The following PRIM1 variants were observed in gnomAD, a reference collection of about 807,000 sequenced individuals.
PRIM1 encodes DNA primase subunit 1, also known as DNA primase small subunit.
In PRIM1, 38 loss-of-function variants were observed where a neutral mutation model predicts 60.2. That is an observed-to-expected ratio of 0.63 (90% CI 0.49 to 0.83). The LOEUF is 0.83. Among genes scored for constraint, PRIM1 ranks in the 40% least tolerant of loss-of-function variants. The pLI is 0.00. For synonymous variants in PRIM1, 158 were observed against 160.2 expected (o/e 0.99, Z 0.10); for missense variants, 388 against 506.2 (o/e 0.77, Z 2.24).
intron 9 of PRIM1, among the ~76,000 whole-genome samples, chr12:56,741,074 C>T (rs760471815): frequency 5.9e-5 from 9 of 152,112 alleles, no homozygotes; most frequent in Admixed American, 2.6e-4. Context: ...TTGCCCTCCT[C>T]AAGTGCTGGG....
chr12:56,738,319 C>T, intron 11 of PRIM1, 115 bp downstream of exon 11: 7 of 1,386,098 alleles, frequency 5.1e-6, no homozygotes, highest in Non-Finnish European at 6.7e-6. Context: ...GTATGCAGTT[C>T]CAGGACAAAT....
At chr12:56,733,180 G>A (rs1400791241) in intron 12 of PRIM1, among the ~76,000 whole-genome samples, 3 of 118,644 alleles carry the variant, frequency 2.5e-5, no homozygotes, top group Admixed American at 9.2e-5. Context: ...TTTTTGAGAC[G>A]GAGTTTTGCT....
At chr12:56,734,066 G>T in intron 12 of PRIM1, 81 bp downstream of exon 12, 1 of 941,560 alleles carries the variant, frequency 1.1e-6, no homozygotes, top group Non-Finnish European at 1.6e-6. Context: ...GGAGGGCAAA[G>T]AAAGACTAGA....
chr12:56,734,778 TTATATA>T (rs34889392), intron 11 of PRIM1, among the ~76,000 whole-genome samples: 1 of 140,298 alleles, frequency 7.1e-6, no homozygotes, highest in Non-Finnish European at 1.5e-5. Flanking sequence ...TCTTTTATAT[TTATATA>T]TATATATATA....
intron 7 of PRIM1, 130 bp from the exon 8 acceptor site, chr12:56,741,967 T>C (rs1379129659): frequency 1.0e-6 from 1 of 954,606 alleles, no homozygotes; most frequent in African/African-American, 1.6e-5. Flanking sequence ...GAAATATAAA[T>C]GTTGACTGGG....
chr12:56,732,904 G>GA (rs1289871810), intron 12 of PRIM1, among the ~76,000 whole-genome samples: 1 of 151,844 alleles, frequency 6.6e-6, no homozygotes, highest in Non-Finnish European at 1.5e-5. Flanking sequence ...GCCCAGGCTG[G>GA]AGTGCAATGG....
intron 11 of PRIM1, among the ~76,000 whole-genome samples, chr12:56,738,188 T>C (rs1463437677): frequency 6.6e-6 from 1 of 152,236 alleles, no homozygotes; most frequent in East Asian, 1.9e-4. Flanking sequence ...TTCATACTTA[T>C]TGATAGTTTA....
At chr12:56,739,967 T>C (rs1326053805) in intron 9 of PRIM1, among the ~76,000 whole-genome samples, 1 of 152,014 alleles carries the variant, frequency 6.6e-6, no homozygotes, top group African/African-American at 2.4e-5. Context: ...TGAAACCCCG[T>C]CTCTACTAAA....
chr12:56,732,369 A>C (rs1953790447), intron 12 of PRIM1, among the ~76,000 whole-genome samples: 1 of 152,052 alleles, frequency 6.6e-6, no homozygotes, highest in Non-Finnish European at 1.5e-5. Flanking sequence ...CTTCACTTCT[A>C]AATCATTAGC....
chr12:56,737,962 T>G (rs1267618397), intron 11 of PRIM1, among the ~76,000 whole-genome samples: 2 of 152,008 alleles, frequency 1.3e-5, no homozygotes, highest in African/African-American at 4.8e-5. Flanking sequence ...TGACCTCAAG[T>G]GATTTGCCTG....
intron 10 of PRIM1, 24 bp downstream of exon 10, chr12:56,739,270 A>C (rs1355893373): frequency 6.8e-7 from 1 of 1,480,478 alleles, no homozygotes; most frequent in African/African-American, 1.4e-5. Flanking sequence ...ACAAACAAGG[A>C]GTGATCAATG....
chr12:56,739,722 G>T (rs564294210), intron 9 of PRIM1, among the ~76,000 whole-genome samples: 1 of 152,216 alleles, frequency 6.6e-6, no homozygotes, highest in African/African-American at 2.4e-5. Context: ...TTCAATTTTT[G>T]TTGAGTTGGG....
At chr12:56,751,836 T>G (rs942553427) in intron 1 of PRIM1, 1 of 164,892 alleles carries the variant, frequency 6.1e-6, no homozygotes, top group Non-Finnish European at 1.3e-5. Context: ...TGAGAGAGGC[T>G]CTTCCGCTCC....
chr12:56,734,106 T>C, intron 12 of PRIM1, 41 bp downstream of exon 12: 1 of 1,388,578 alleles, frequency 7.2e-7, no homozygotes, highest in Non-Finnish European at 1.0e-6. Flanking sequence ...CTACTAATAA[T>C]AAGATCTAAC....
intron 4 of PRIM1, 110 bp downstream of exon 4, chr12:56,746,671 C>T (rs920201246): frequency 1.6e-6 from 1 of 631,304 alleles, no homozygotes; most frequent in Non-Finnish European, 2.5e-6. Flanking sequence ...CACACACACA[C>T]ACACAAATTA....
Position 56,734,174 on chromosome 12 carries a change from G to T in PRIM1, c.1216C>A (p.Arg406=). The T allele has an allele frequency of 6.2e-7, 1 of 1,606,896 alleles. No individual in the cohort carries two copies. Among genetic ancestry groups the T allele is most frequent in the Non-Finnish European group, 8.5e-7 (1 of 1,174,304 alleles). The change falls in exon 12 of 13, where the codon CGA becomes AGA. Residue 406 remains arginine (R), a synonymous_variant. Coordinates refer to ENST00000338193, the MANE Select transcript of PRIM1 (RefSeq NM_000946.3). ...CTCTTCTTAAGAAGTTCTCCTTTTC[G>T]GGATTTATCCAGATTTTCAAGAAAA... ...EHFLENLDKS[R]KGELLKKSDL...
rs377407460 is a variant in PRIM1, at chr12:56,746,905, A to C, written c.368+21T>G. 2.2e-5 allele frequency: 35 copies of C among 1,612,906 alleles called. No individual in the cohort carries two copies. In the African/African-American group the frequency reaches 4.4e-4, roughly 20 times the overall value. ...TGTCAGTGATACCACCCACCCTAAC[A>C]GCAAGACACACAGTGCTCACCTACA... On this transcript the variant is annotated intron_variant, in intron 3 of 12. Coordinates refer to ENST00000338193, the MANE Select transcript of PRIM1 (RefSeq NM_000946.3).
At chr12:56,746,319 ATTTC>A (rs1263188009) in intron 4 of PRIM1, 138 bp from the exon 5 acceptor site, 3 of 1,107,632 alleles carry the variant, frequency 2.7e-6, no homozygotes, top group East Asian at 5.2e-5. Flanking sequence ...TCTGCTGGGA[ATTTC>A]TTTCTTTTTT....
intron 2 of PRIM1, among the ~76,000 whole-genome samples, chr12:56,747,280 G>T (rs1030209789): frequency 6.6e-6 from 1 of 152,150 alleles, no homozygotes; most frequent in African/African-American, 2.4e-5. Context: ...GGTCAATAAG[G>T]ATAATAATAA....
Sources: gnomAD v4.1 joint callset for allele counts (sites outside exome capture counted in the v4.1 genomes callset) on GRCh38, gnomAD v4.1.1 for gene constraint, MANE v1.5 for transcripts, NCBI Gene and HGNC (gene_info 2026-07-23, HGNC 2026-07-21) for gene names.